The following EPN2 variants were observed in gnomAD, a reference collection of about 807,000 sequenced individuals.
The protein encoded by EPN2 is epsin-2.
In EPN2, 34 loss-of-function variants were observed where a neutral mutation model predicts 61.7. The ratio of observed to expected loss-of-function variants is 0.55; its 90% CI spans 0.42 to 0.73. EPN2 has a LOEUF of 0.73. EPN2 is among the 30% of genes least tolerant of loss of function. The pLI is 0.00. For synonymous variants in EPN2, 349 were observed against 353.6 expected (o/e 0.99, Z 0.15); for missense variants, 714 against 839.2 (o/e 0.85, Z 1.84).
intron 1 of EPN2, among the ~76,000 whole-genome samples, chr17:19,242,141 A>G (rs1010821113): frequency 9.2e-5 from 14 of 151,588 alleles, no homozygotes; most frequent in Non-Finnish European, 1.9e-4. Context: ...TGAAAAAAAA[A>G]AAAAAAAAGC....
intron 1 of EPN2, among the ~76,000 whole-genome samples, chr17:19,247,075 T>G (rs978657530): frequency 1.3e-5 from 2 of 152,180 alleles, no homozygotes; most frequent in African/African-American, 4.8e-5. Context: ...CAGCCCCCTG[T>G]GTGCCTTTTT....
intron 1 of EPN2, among the ~76,000 whole-genome samples, chr17:19,260,186 C>T (rs898582907): frequency 1.6e-4 from 25 of 152,330 alleles, no homozygotes; most frequent in African/African-American, 6.0e-4. Context: ...GCCAGGAGCT[C>T]TGGTTCTTCC....
intron 1 of EPN2, among the ~76,000 whole-genome samples, chr17:19,280,376 A>G (rs1454782072): frequency 6.6e-6 from 1 of 152,226 alleles, no homozygotes; most frequent in Non-Finnish European, 1.5e-5. Flanking sequence ...TGTGAGGCCC[A>G]TCGTATCTTT....
In EPN2 at chr17:19,327,263, G is replaced by T. The variant is rs748792526; in HGVS notation, c.1148-1448G>T. Among the ~76,000 whole-genome samples, 8 of 152,218 alleles carry T rather than the reference G, an allele frequency of 5.3e-5. No individual in the cohort carries two copies. In the South Asian group the frequency reaches 1.0e-3, roughly 20 times the overall value. Reference sequence around the variant, plus strand: ...ATCATGACTTTTTTTTCATAGAATGGAACAAAACAAATTCCAGCTCCACCT... The same window carrying T: ...ATCATGACTTTTTTTTCATAGAATGTAACAAAACAAATTCCAGCTCCACCT... On this transcript the variant is annotated intron_variant, in intron 7 of 10. Transcript: ENST00000314728.
intron 4 of EPN2, among the ~76,000 whole-genome samples, chr17:19,305,118 T>G (rs1253827351): frequency 4.1e-5 from 6 of 147,164 alleles, no homozygotes; most frequent in South Asian, 2.2e-4. Flanking sequence ...TATACTTTGG[T>G]TTTTTTTTTT....
At chr17:19,286,641 C>G (rs2045407880) in intron 4 of EPN2, among the ~76,000 whole-genome samples, 1 of 152,178 alleles carries the variant, frequency 6.6e-6, no homozygotes, top group Non-Finnish European at 1.5e-5. Flanking sequence ...GATAAGGTGA[C>G]CAGCCTTTAT....
At chr17:19,287,840 T>G (rs1331843220) in intron 4 of EPN2, among the ~76,000 whole-genome samples, 1 of 152,158 alleles carries the variant, frequency 6.6e-6, no homozygotes, top group Admixed American at 6.5e-5. Flanking sequence ...TGAGGAGAGC[T>G]TTCTTTCATG....
At chr17:19,327,696 A>G (rs1183127982) in intron 7 of EPN2, among the ~76,000 whole-genome samples, 1 of 152,154 alleles carries the variant, frequency 6.6e-6, no homozygotes, top group Non-Finnish European at 1.5e-5. Context: ...ACACACACAT[A>G]TTTAGACACA....
At position 19,328,408 on chromosome 17, in the gene EPN2, G is replaced by GC. The variant is rs1265651110; in HGVS notation, c.1148-298dup. ...GGTTGAGCTCAGGAGCCCTTTGCAAGCCCCCTGTATGGTGGGGAGCTTGGA... is the reference window on the plus strand; with the variant it reads ...GGTTGAGCTCAGGAGCCCTTTGCAAGCCCCCCTGTATGGTGGGGAGCTTGGA... On this transcript the variant is annotated intron_variant, in intron 7 of 10. Transcript: ENST00000314728. 9.2e-5 allele frequency among the ~76,000 whole-genome samples: 14 copies of GC among 152,092 alleles called. 1 individual carries two copies. The highest frequency in any genetic ancestry group is 3.1e-4 in the African/African-American group (13 of 41,404).
At chr17:19,289,390 G>T (rs1007588667) in intron 4 of EPN2, among the ~76,000 whole-genome samples, 4 of 151,902 alleles carry the variant, frequency 2.6e-5, no homozygotes, top group African/African-American at 9.7e-5. Flanking sequence ...GGACGATTCT[G>T]GGTATGTTTT....
intron 1 of EPN2, among the ~76,000 whole-genome samples, chr17:19,266,526 C>T (rs541387512): frequency 6.6e-6 from 1 of 152,106 alleles, no homozygotes; most frequent in Admixed American, 6.5e-5. Context: ...CCTCAGCCTC[C>T]GGAGTAGCTG....
intron 7 of EPN2, among the ~76,000 whole-genome samples, chr17:19,315,143 T>C (rs565846133): frequency 6.6e-6 from 1 of 152,318 alleles, no homozygotes; most frequent in Admixed American, 6.5e-5. Flanking sequence ...GGTAAGTTTT[T>C]CCCAGTCAGG....
chr17:19,249,651 C>G (rs998933058), intron 1 of EPN2: 11 of 152,280 alleles, frequency 7.2e-5, no homozygotes, highest in African/African-American at 2.7e-4. Context: ...AAAAGTGGTC[C>G]TTAGGTGGAT....
intron 7 of EPN2, among the ~76,000 whole-genome samples, chr17:19,317,134 GA>G (rs1486827901): frequency 6.6e-6 from 1 of 152,242 alleles, no homozygotes; most frequent in East Asian, 1.9e-4. Flanking sequence ...CCCTCTGGAT[GA>G]AAGAAACACT....
chr17:19,277,055 G>A (rs1410590700), intron 1 of EPN2, among the ~76,000 whole-genome samples: 1 of 152,108 alleles, frequency 6.6e-6, no homozygotes, highest in East Asian at 1.9e-4. Flanking sequence ...AAAGTGGAGC[G>A]TGCAAACTAT....
chr17:19,306,441 C>T (rs1905846162), intron 4 of EPN2, among the ~76,000 whole-genome samples: 1 of 152,236 alleles, frequency 6.6e-6, no homozygotes, highest in Non-Finnish European at 1.5e-5. Context: ...GAAAGCTGTA[C>T]ATCCGTTTAT....
intron 4 of EPN2, among the ~76,000 whole-genome samples, chr17:19,292,916 C>G (rs1324638371): frequency 6.6e-6 from 1 of 152,246 alleles, no homozygotes; most frequent in Non-Finnish European, 1.5e-5. Context: ...AGAATTAGAA[C>G]TGGGATTTTG....
chr17:19,295,365 C>CGCGT lies in EPN2; in HGVS notation c.766+9575_766+9576insGCGT, dbSNP rs1368507531. On this transcript the variant is annotated intron_variant, in intron 4 of 10. Coordinates refer to ENST00000314728, the MANE Select transcript of EPN2 (RefSeq NM_014964.5). Reference sequence around the variant, plus strand: ...ATACACACACACACACACACACACACACGCGCGTGCGCGCAAAATAGCCAG... The same window carrying CGCGT: ...ATACACACACACACACACACACACACGCGTACGCGCGTGCGCGCAAAATAGCCAG... Among the ~76,000 whole-genome samples the CGCGT allele has an allele frequency of 6.3e-5, 5 of 79,922 alleles. No individual in the cohort carries two copies. In the South Asian group the frequency reaches 1.3e-3, roughly 20 times the overall value. The allele number at this position is 79,922 out of a possible 152,430, so 52.4% of individuals were successfully genotyped here.
At chr17:19,271,866 C>T (rs909761072) in intron 1 of EPN2, 1 of 152,358 alleles carries the variant, frequency 6.6e-6, no homozygotes, top group African/African-American at 2.4e-5. Context: ...ACTACTGTGC[C>T]CGAAACCCAA....
Sources: allele counts gnomAD v4.1 joint callset (sites outside exome capture counted in the v4.1 genomes callset), GRCh38; gene constraint gnomAD v4.1.1; transcripts MANE v1.5; gene names NCBI Gene and HGNC (gene_info 2026-07-23, HGNC 2026-07-21).